The following HEATR4 variants were observed in gnomAD, a reference collection of about 807,000 sequenced individuals.
The protein encoded by HEATR4 is HEAT repeat containing 4, also known as HEAT repeat-containing protein 4.
In HEATR4, 95 loss-of-function variants were observed where a neutral mutation model predicts 108.8. The observed-to-expected ratio is 0.87, with a 90% CI of 0.74 to 1.04. The LOEUF is 1.04. HEATR4 is among the 50% of genes least tolerant of loss of function. The probability of loss-of-function intolerance (pLI) is 0.00; values close to 1 mark genes in which losing one functional copy is unlikely to be tolerated. For synonymous variants in HEATR4, 443 were observed against 459.4 expected (o/e 0.96, Z 0.46); for missense variants, 1,152 against 1,253.8 (o/e 0.92, Z 1.23).
At chr14:73,599,856 G>T in the HEATR4 span, among the ~76,000 whole-genome samples, 1 of 152,070 alleles carries the variant, frequency 6.6e-6, no homozygotes, top group East Asian at 1.9e-4. Flanking sequence ...CTGCCTTCTG[G>T]CCATACATTC....
chr14:73,615,400 A>AC, the HEATR4 span, among the ~76,000 whole-genome samples: 4 of 143,568 alleles, frequency 2.8e-5, no homozygotes, highest in African/African-American at 7.8e-5. Flanking sequence ...AAAAAAAAAA[A>AC]AAAAAAACAA....
chr14:73,509,256 G>A lies in HEATR4; in HGVS notation c.1720+56C>T, dbSNP rs1643697651. 5.9e-6 allele frequency: 9 copies of A among 1,519,634 alleles called. No individual in the cohort carries two copies. The Admixed American group carries it at 1.5e-4, about 25-fold the overall frequency. The allele number at this position is 1,519,634 out of a possible 1,614,324, so 94.1% of individuals were successfully genotyped here. A position where few individuals can be genotyped will look rare whatever the true frequency, so the allele number is the denominator to read the frequency against. On this transcript the variant is annotated intron_variant, in intron 8 of 17. Coordinates refer to ENST00000553558, the MANE Select transcript of HEATR4 (RefSeq NM_001220484.1). ...TGGAGAGGAAAGGACTGGGAAAGCT[G>A]ATAGTGAGATGTCTATCCCATATTT...
chr14:73,592,402 T>C, the HEATR4 span: 56 of 1,533,136 alleles, frequency 3.7e-5, no homozygotes, highest in Non-Finnish European at 4.6e-5. Flanking sequence ...CGCGCCACGC[T>C]CTTCCTGCCG....
intron 5 of HEATR4, among the ~76,000 whole-genome samples, 198 bp downstream of exon 5, chr14:73,518,825 G>A (rs1887796164): frequency 6.6e-6 from 1 of 152,202 alleles, no homozygotes; most frequent in African/African-American, 2.4e-5. Flanking sequence ...GTATGTTCCT[G>A]TGAGGCTCTT....
rs541591000 is a variant in HEATR4 at position 73,538,111 on chromosome 14, C to T, written c.-151-7867G>A. On this transcript the variant is annotated intron_variant, in intron 1 of 17. Transcript: ENST00000553558. ...CCAAGAGCTAGGATTGCAGGGTGAG[C>T]CACTGCGCCCGGCCCTTTGAGGGGA... 3.5e-5 allele frequency among the ~76,000 whole-genome samples: 4 copies of T among 113,988 alleles called. 1 individual carries two copies. Among genetic ancestry groups the T allele is most frequent in the Non-Finnish European group, 7.6e-5 (4 of 52,362 alleles). 74.8% of individuals were successfully genotyped at this position (113,988 alleles called of 152,430 possible).
chr14:73,584,493 G>T, the HEATR4 span, among the ~76,000 whole-genome samples: 2 of 150,240 alleles, frequency 1.3e-5, no homozygotes, highest in African/African-American at 4.9e-5. Context: ...GGATTTGAGG[G>T]TCTCCTCCCA....
At chr14:73,518,412 GAAA>G (rs796658758) in intron 5 of HEATR4, among the ~76,000 whole-genome samples, 1 of 108,774 alleles carries the variant, frequency 9.2e-6, no homozygotes, top group South Asian at 2.9e-4. Context: ...TCCAAAAAAA[GAAA>G]AAAAAAAAAA....
At chr14:73,573,763 T>C in the HEATR4 span, among the ~76,000 whole-genome samples, 12 of 151,800 alleles carry the variant, frequency 7.9e-5, no homozygotes, top group Admixed American at 2.6e-4. Flanking sequence ...AGTCTCACTC[T>C]GTTGCCAGGC....
chr14:73,492,298 C>T lies in HEATR4; in HGVS notation c.2844+768G>A. 4 of 1,614,046 alleles carry T rather than the reference C, an allele frequency of 2.5e-6. No individual in the cohort carries two copies. Among genetic ancestry groups the T allele is most frequent in the Non-Finnish European group, 3.4e-6 (4 of 1,179,902 alleles). On this transcript the variant is annotated intron_variant, in intron 17 of 17. Transcript: ENST00000553558. This position sits in a 1 kb window ranked among gnomAD's most constrained non-coding sequence, Gnocchi z 4.9. ...CCTTGTCCACGTACCAGCGCAATACCTGGGGTGACTTCTTAGAGGCCATAC... is the reference window on the plus strand; with the variant it reads ...CCTTGTCCACGTACCAGCGCAATACTTGGGGTGACTTCTTAGAGGCCATAC...
chr14:73,499,515 A>T (rs1013426221), intron 12 of HEATR4, among the ~76,000 whole-genome samples: 1 of 152,078 alleles, frequency 6.6e-6, no homozygotes, highest in Non-Finnish European at 1.5e-5. Context: ...CAAAAGAATG[A>T]ATCAGAAACA....
chr14:73,573,751 G>A, the HEATR4 span, among the ~76,000 whole-genome samples: 9 of 150,368 alleles, frequency 6.0e-5, no homozygotes, highest in African/African-American at 2.2e-4. Context: ...TTTTTGAGAT[G>A]GAGTCTCACT....
chr14:73,574,628 T>G, the HEATR4 span, among the ~76,000 whole-genome samples: 1 of 151,792 alleles, frequency 6.6e-6, no homozygotes, highest in African/African-American at 2.4e-5. Context: ...GTGGCTCAGG[T>G]GGGAGACAGA....
At chr14:73,504,605 G>A (rs929868731) in intron 10 of HEATR4, among the ~76,000 whole-genome samples, 1 of 152,132 alleles carries the variant, frequency 6.6e-6, no homozygotes, top group African/African-American at 2.4e-5. Context: ...GACTTTAGCA[G>A]CAGGGTGCTA....
chr14:73,619,469 C>G, the HEATR4 span: 1 of 1,614,166 alleles, frequency 6.2e-7, no homozygotes, highest in Non-Finnish European at 8.5e-7. Context: ...TGGAGCAATC[C>G]ACTGGAGGAA....
chr14:73,568,670 A>G, the HEATR4 span, among the ~76,000 whole-genome samples: 2 of 151,994 alleles, frequency 1.3e-5, no homozygotes, highest in Admixed American at 1.3e-4. Flanking sequence ...TGTAAATCCT[A>G]GCATTTTGGG....
the HEATR4 span, among the ~76,000 whole-genome samples, chr14:73,615,098 AAC>A: frequency 2.0e-5 from 3 of 149,394 alleles, no homozygotes; most frequent in East Asian, 2.0e-4. Flanking sequence ...CAAAAAAAAA[AAC>A]AAGGCGGCCA....
At chr14:73,609,162 A>T in the HEATR4 span, among the ~76,000 whole-genome samples, 1 of 152,180 alleles carries the variant, frequency 6.6e-6, no homozygotes, top group African/African-American at 2.4e-5. Context: ...GGGGAGACTG[A>T]GCTCATGTCA....
intron 11 of HEATR4, among the ~76,000 whole-genome samples, chr14:73,502,094 A>G (rs1014595978): frequency 1.5e-5 from 2 of 134,936 alleles, no homozygotes; most frequent in South Asian, 4.6e-4. Flanking sequence ...AGGTCTTGCT[A>G]TGTTGCCCAG....
At chr14:73,497,696 G>A (rs1057382856) in intron 14 of HEATR4, among the ~76,000 whole-genome samples, 17 of 151,620 alleles carry the variant, frequency 1.1e-4, no homozygotes, top group Admixed American at 8.6e-4. Context: ...GCACCATCTC[G>A]GCTCACCGCA....
Sources: gnomAD v4.1 joint callset for allele counts (sites outside exome capture counted in the v4.1 genomes callset) on GRCh38, gnomAD v4.1.1 for gene constraint, Gnocchi (gnomAD v3.1) non-coding constraint, MANE v1.5 for transcripts, NCBI Gene and HGNC (gene_info 2026-07-23, HGNC 2026-07-21) for gene names.